Variants in SRSF5 observed in about 807,000 individuals in gnomAD.
The protein encoded by SRSF5 is serine and arginine rich splicing factor 5, also known as serine/arginine-rich splicing factor 5.
SRSF5 carries 5 observed loss-of-function variants against 34.0 expected under a neutral mutation model. The observed-to-expected ratio is 0.15, with a 90% CI of 0.08 to 0.31. The LOEUF is 0.31. Among genes scored for constraint, SRSF5 ranks in the 10% least tolerant of loss-of-function variants. The pLI, the probability that SRSF5 is intolerant of heterozygous loss-of-function variation, is 1.00. For synonymous variants in SRSF5, 164 were observed against 117.7 expected (o/e 1.39, Z -2.55); for missense variants, 223 against 351.4 (o/e 0.63, Z 2.92).
chr14:69,769,704 C>G, intron 5 of SRSF5: 1 of 1,456,050 alleles, frequency 6.9e-7, no homozygotes, highest in South Asian at 1.4e-5. Context: ...TGCAGCGATC[C>G]CAGAGCGTTG....
chr14:69,769,270 T>A lies in SRSF5; in HGVS notation c.366+19T>A, dbSNP rs763324577. On this transcript the variant is annotated intron_variant, in intron 5 of 7. Coordinates refer to ENST00000557154, the MANE Select transcript of SRSF5 (RefSeq NM_001320214.2). ...CTGGCAGGTTTGTTGAAATACAGTT[T>A]TGAGTTATTTTGATGTGGCTTTTTA... 6.2e-7 allele frequency: 1 copy of A among 1,613,406 alleles called. No homozygotes were observed. Among genetic ancestry groups the A allele is most frequent in the South Asian group, 1.1e-5 (1 of 90,918 alleles).
intron 4 of SRSF5, 128 bp downstream of exon 4, chr14:69,769,024 G>A (rs3104): frequency 0.28 from 356,350 of 1,279,584 alleles, 56,096 homozygotes; most frequent in African/African-American, 0.61. Context: ...ACGTTAGCCA[G>A]TTGTTCTTGA....
Position 69,769,192 on chromosome 14 carries a change from C to T in SRSF5, c.307C>T (p.Pro103Ser). 6.2e-7 allele frequency: 1 copy of T among 1,614,152 alleles called. No individual in the cohort carries two copies. The highest frequency in any genetic ancestry group is 8.5e-7 in the Non-Finnish European group (1 of 1,180,016). Reference protein sequence around the residue: ...RPRNDRRNAPPVRTENRLIVE... With the variant: ...RPRNDRRNAPSVRTENRLIVE... The stretch of plus-strand genomic sequence containing the variant: ...AATTTTCTTCCTCAGAAATGCTCCA[C>T]CTGTAAGAACAGAAAATCGTCTTAT... Residue 103 changes from proline to serine, a missense_variant, in exon 5 of 8, where the codon CCT (proline) becomes TCT (serine). Physicochemically the swap from Pro to Ser is moderately conservative, Grantham distance 74 (BLOSUM62 -1). Coordinates refer to ENST00000557154, the MANE Select transcript of SRSF5 (RefSeq NM_001320214.2).
intron 3 of SRSF5, 51 bp downstream of exon 3, chr14:69,768,725 C>A: frequency 1.2e-6 from 2 of 1,609,622 alleles, no homozygotes; most frequent in South Asian, 2.2e-5. Flanking sequence ...CAGACTGGGT[C>A]TGCTGGCATA....
Position 69,771,743 on chromosome 14 carries a change from AG to A in SRSF5, c.*283del. 3.3e-6 allele frequency: 1 copy of A among 300,080 alleles called. No individual in the cohort carries two copies. The highest frequency in any genetic ancestry group is 6.1e-6 in the Non-Finnish European group (1 of 163,074). The allele number at this position is 300,080 out of a possible 1,614,324, so 18.6% of individuals were successfully genotyped here. On this transcript the variant is annotated 3_prime_UTR_variant, in exon 8 of 8. Coordinates refer to ENST00000557154, the MANE Select transcript of SRSF5 (RefSeq NM_001320214.2). ...ATTGACAGAGCTCTTTTATAACTAA[AG>A]CAAATTTAATTTTTTTGTACTAGAA... is the stretch of plus-strand genomic sequence containing the variant.
intron 1 of SRSF5, chr14:69,767,779 C>A: frequency 2.8e-6 from 1 of 352,332 alleles, no homozygotes; most frequent in Non-Finnish European, 5.6e-6. Context: ...CCCGCGAGGC[C>A]GCCATTGGGC....
chr14:69,767,373 G>A, intron 1 of SRSF5, 118 bp downstream of exon 1: 1 of 455,996 alleles, frequency 2.2e-6, no homozygotes, highest in Middle Eastern at 3.3e-4. Context: ...GAGCGCAGTT[G>A]ATTCGAGGTG....
At chr14:69,768,921 T>C in intron 4 of SRSF5, 25 bp downstream of exon 4, 2 of 1,603,694 alleles carry the variant, frequency 1.2e-6, no homozygotes, top group Non-Finnish European at 1.7e-6. Context: ...GATGGCTGCA[T>C]TGAACAATTA....
At chr14:69,767,701 G>C (rs969717302) in intron 1 of SRSF5, 2 of 363,158 alleles carry the variant, frequency 5.5e-6, no homozygotes, top group African/African-American at 4.3e-5. Context: ...CAGAGCGCCC[G>C]CCCGCTGCTG....
rs778104363 is a variant in SRSF5, at chr14:69,771,184, T to C, written c.552-10T>C. ...TCTTATCTAGGCTGATTTCTTTTCATTTTTCATAGTAGGTCAAGAAGCAGG... is the reference window on the plus strand; with the variant it reads ...TCTTATCTAGGCTGATTTCTTTTCACTTTTCATAGTAGGTCAAGAAGCAGG... On this transcript the variant is annotated splice_polypyrimidine_tract_variant and intron_variant, in intron 7 of 7. Coordinates refer to ENST00000557154, the MANE Select transcript of SRSF5 (RefSeq NM_001320214.2). The C allele has an allele frequency of 3.1e-6, 5 of 1,613,872 alleles. No homozygotes were observed. Among genetic ancestry groups the C allele is most frequent in the Middle Eastern group, 1.6e-4 (1 of 6,062 alleles).
At chr14:69,769,610 G>C in intron 5 of SRSF5, 1 of 1,535,212 alleles carries the variant, frequency 6.5e-7, no homozygotes, top group Non-Finnish European at 8.7e-7. Context: ...TTGCCAGTCA[G>C]CTCCTACAGT....
chr14:69,769,802 A>G (rs897947353), intron 5 of SRSF5: 1 of 1,344,552 alleles, frequency 7.4e-7, no homozygotes, highest in African/African-American at 1.5e-5. Flanking sequence ...GAAAGATACG[A>G]AATTAGGTGG....
rs778559386 is a variant in SRSF5 at position 69,771,488 on chromosome 14, T to G, written c.*27T>G. On this transcript the variant is annotated 3_prime_UTR_variant, in exon 8 of 8. Transcript: ENST00000557154. ...CTGTAAATAACTTGCCCTGGGGGCC[T>G]TTTTTTAAAAAACAAAAACCACAAA... is the stretch of plus-strand genomic sequence containing the variant. The G allele has an allele frequency of 7.0e-6, 11 of 1,578,948 alleles. No homozygotes were observed. The African/African-American group carries it at 1.5e-4, about 22-fold the overall frequency.
chr14:69,768,132 T>TA lies in SRSF5; in HGVS notation c.-19-4dup. On this transcript the variant is annotated splice_polypyrimidine_tract_variant and splice_region_variant and intron_variant, in intron 1 of 7. Coordinates refer to ENST00000557154, the MANE Select transcript of SRSF5 (RefSeq NM_001320214.2). ...CTATTATCTCGATTGAATTACTTTCTAATAGGAAGTACTAGCCGGACATCA... is the reference window on the plus strand; with the variant it reads ...CTATTATCTCGATTGAATTACTTTCTAAATAGGAAGTACTAGCCGGACATCA... 1 of 1,614,038 alleles carries TA rather than the reference T, an allele frequency of 6.2e-7. No individual in the cohort carries two copies. The highest frequency in any genetic ancestry group is 8.5e-7 in the Non-Finnish European group (1 of 1,179,960).
intron 4 of SRSF5, 51 bp from the exon 5 acceptor site, chr14:69,769,131 A>G (rs760769477): frequency 1.2e-6 from 2 of 1,603,494 alleles, no homozygotes; most frequent in South Asian, 2.2e-5. Flanking sequence ...AGTTGAACAC[A>G]AGTGCTGTCA....
chr14:69,771,487 CT>C lies in SRSF5; in HGVS notation c.*33del, dbSNP rs781422309. ...ACTGTAAATAACTTGCCCTGGGGGC[CT>C]TTTTTTAAAAAACAAAAACCACAAA... On this transcript the variant is annotated 3_prime_UTR_variant, in exon 8 of 8. Transcript: ENST00000557154. 3.9e-6 allele frequency: 6 copies of C among 1,535,148 alleles called. No homozygotes were observed. The highest frequency in any genetic ancestry group is 2.4e-5 in the South Asian group (2 of 83,024).
At chr14:69,770,124 C>T in intron 5 of SRSF5, 8 of 1,038,018 alleles carry the variant, frequency 7.7e-6, no homozygotes, top group East Asian at 8.3e-5. Context: ...AATAAAACTT[C>T]TCTACTTTAG....
At chr14:69,770,759 G>C (rs1282336896) in intron 6 of SRSF5, 15 of 636,064 alleles carry the variant, frequency 2.4e-5, no homozygotes, top group Non-Finnish European at 4.1e-5. Flanking sequence ...GTAGTCAGTA[G>C]GGGCTAGGCA....
At chr14:69,769,346 AAATT>A in intron 5 of SRSF5, 95 bp downstream of exon 5, 1 of 1,535,108 alleles carries the variant, frequency 6.5e-7, no homozygotes, top group Non-Finnish European at 8.8e-7. Context: ...AAGTAGTTTT[AAATT>A]AATGGATTTA....
Sources: gnomAD v4.1 joint callset for allele counts on GRCh38, gnomAD v4.1.1 for gene constraint, MANE v1.5 for transcripts, NCBI Gene and HGNC (gene_info 2026-07-23, HGNC 2026-07-21) for gene names.